The following KCNK2 variants were observed in gnomAD, a reference collection of about 807,000 sequenced individuals.
KCNK2 encodes potassium channel subfamily K member 2.
In KCNK2, 21 loss-of-function variants were observed where a neutral mutation model predicts 40.5. That is an observed-to-expected ratio of 0.52 (90% CI 0.37 to 0.75). The LOEUF (loss-of-function observed/expected upper bound fraction) is 0.75. Ranked by LOEUF, KCNK2 falls within the 30% of genes least tolerant of loss-of-function variation. The pLI is 0.00. For synonymous variants in KCNK2, 191 were observed against 202.2 expected (o/e 0.94, Z 0.47); for missense variants, 399 against 531.6 (o/e 0.75, Z 2.45).
chr1:215,119,077 T>C (rs530740450), intron 2 of KCNK2, among the ~76,000 whole-genome samples: 1 of 152,318 alleles, frequency 6.6e-6, no homozygotes, highest in Admixed American at 6.5e-5. Flanking sequence ...AGCAGTACAT[T>C]CTTCAGCCTT....
At chr1:215,194,239 G>C (rs1397336734) in intron 5 of KCNK2, among the ~76,000 whole-genome samples, 5 of 152,104 alleles carry the variant, frequency 3.3e-5, no homozygotes, top group Admixed American at 3.3e-4. Flanking sequence ...TGTTCCAAGT[G>C]GATGGAGAAG....
chr1:215,184,236 A>G (rs12060322), intron 5 of KCNK2, among the ~76,000 whole-genome samples: 22,205 of 152,150 alleles, frequency 0.15, 3,596 homozygotes, highest in African/African-American at 0.4. Flanking sequence ...CCTCTTATTC[A>G]AAGTGTATAA....
At chr1:215,191,175 CTCGGGAAGCTGAG>C (rs1171732609) in intron 5 of KCNK2, among the ~76,000 whole-genome samples, 1 of 151,596 alleles carries the variant, frequency 6.6e-6, no homozygotes, top group Non-Finnish European at 1.5e-5. Context: ...TTCCCAGCTT[CTCGGGAAGCTGAG>C]GCAGGAGAAT....
intron 2 of KCNK2, among the ~76,000 whole-genome samples, chr1:215,117,549 AAAC>A (rs1661000248): frequency 6.6e-6 from 1 of 152,150 alleles, no homozygotes; most frequent in African/African-American, 2.4e-5. Context: ...CTGTTCATCA[AAAC>A]ACAAGTACTA....
chr1:215,160,108 TAA>T (rs989305255), intron 3 of KCNK2, among the ~76,000 whole-genome samples: 2 of 152,222 alleles, frequency 1.3e-5, no homozygotes, highest in Non-Finnish European at 2.9e-5. Flanking sequence ...CTTGAATTAA[TAA>T]GACAGTTGGA....
intron 6 of KCNK2, among the ~76,000 whole-genome samples, chr1:215,229,326 T>C (rs1389575956): frequency 1.3e-5 from 2 of 151,960 alleles, no homozygotes; most frequent in Non-Finnish European, 2.9e-5. Flanking sequence ...GTTTGGGCAG[T>C]TATATTCCTA....
intron 1 of KCNK2, among the ~76,000 whole-genome samples, chr1:215,060,829 A>G (rs751241765): frequency 5.3e-5 from 8 of 152,206 alleles, no homozygotes; most frequent in Non-Finnish European, 8.8e-5. Context: ...AAAATATGAA[A>G]GAATAAATTT....
chr1:215,139,824 A>C (rs550021660), intron 3 of KCNK2, among the ~76,000 whole-genome samples: 1 of 152,282 alleles, frequency 6.6e-6, no homozygotes, highest in Admixed American at 6.5e-5. Context: ...TTATGAGGTG[A>C]CTTGTTATCA....
At chr1:215,051,976 C>T (rs915674176) in intron 1 of KCNK2, among the ~76,000 whole-genome samples, 1 of 152,170 alleles carries the variant, frequency 6.6e-6, no homozygotes, top group Non-Finnish European at 1.5e-5. Context: ...TTCTAACATT[C>T]AGTAATTTAT....
chr1:215,017,407 G>A (rs1656630847), intron 1 of KCNK2, among the ~76,000 whole-genome samples: 1 of 152,068 alleles, frequency 6.6e-6, no homozygotes, highest in Admixed American at 6.6e-5. Flanking sequence ...CTGTTTAGCT[G>A]TTAAAAAAAG....
chr1:215,182,369 A>G (rs1216802488), intron 5 of KCNK2, among the ~76,000 whole-genome samples: 1 of 151,954 alleles, frequency 6.6e-6, no homozygotes, highest in East Asian at 1.9e-4. Flanking sequence ...TCCAGGAAGC[A>G]TTGGGAAGCT....
chr1:215,078,364 A>T (rs1006026770), upstream of KCNK2, among the ~76,000 whole-genome samples: 1 of 152,212 alleles, frequency 6.6e-6, no homozygotes, highest in African/African-American at 2.4e-5. Context: ...TCACAATGCT[A>T]TGAAGAAATG....
At chr1:215,231,262 G>T (rs751507945) in intron 6 of KCNK2, among the ~76,000 whole-genome samples, 6 of 152,174 alleles carry the variant, frequency 3.9e-5, no homozygotes, top group Non-Finnish European at 5.9e-5. Context: ...AAAATGCAAA[G>T]GTTATACCTA....
chr1:215,187,037 G>C (rs113656050), intron 5 of KCNK2, among the ~76,000 whole-genome samples: 1 of 152,010 alleles, frequency 6.6e-6, no homozygotes, highest in Admixed American at 6.6e-5. Context: ...TGGTGTGATC[G>C]TGGCTCACTG....
rs1663733594 is a variant in KCNK2 at position 215,172,000 on chromosome 1, T to C, written c.640T>C (p.Trp214Arg). The change falls in exon 5 of 7, where the codon TGG (tryptophan) becomes CGG (arginine). Residue 214 changes from tryptophan (W) to arginine (R), a missense_variant. Trp to Arg is a moderately radical substitution (Grantham distance 101). This residue lies in a region of KCNK2 where 279 missense variants were observed against 353.8 expected (regional missense o/e 0.79). Transcript: ENST00000444842. ...IAKVEDTFIK[W>R]NVSQTKIRII... Reference sequence around the variant, plus strand: ...CACCTTTCTGTCTCATCCCTAGAAGTGGAATGTTAGTCAGACCAAGATTCG... The same window carrying C: ...CACCTTTCTGTCTCATCCCTAGAAGCGGAATGTTAGTCAGACCAAGATTCG... 1 of 1,609,002 alleles carries C rather than the reference T, an allele frequency of 6.2e-7. No individual in the cohort carries two copies.
chr1:215,226,021 G>A (rs1666371688), intron 6 of KCNK2, among the ~76,000 whole-genome samples: 1 of 152,124 alleles, frequency 6.6e-6, no homozygotes, highest in Non-Finnish European at 1.5e-5. Context: ...TCAATCTTAT[G>A]TACTTCAGGA....
Position 215,195,758 on chromosome 1 carries a change from T to C in KCNK2, c.963+666T>C, listed in dbSNP as rs537142012. 1.6e-3 allele frequency among the ~76,000 whole-genome samples: 239 copies of C among 152,342 alleles called. 2 individuals carry two copies. Among genetic ancestry groups the C allele is most frequent in the African/African-American group, 5.2e-3 (217 of 41,574 alleles). On this transcript the variant is annotated intron_variant, in intron 6 of 6. Transcript: ENST00000444842. The stretch of plus-strand genomic sequence containing the variant: ...ATTCTATTGTTTGGAAATTAAATTT[T>C]GATTTCATATTTACATATCCAGGAT...
chr1:215,150,817 A>G (rs1009692958), intron 3 of KCNK2, among the ~76,000 whole-genome samples: 2 of 151,804 alleles, frequency 1.3e-5, no homozygotes, highest in Non-Finnish European at 2.9e-5. Context: ...CACAACTAAT[A>G]TATTTGTCTC....
At chr1:215,087,395 A>G (rs1015821806) in intron 2 of KCNK2, among the ~76,000 whole-genome samples, 1 of 152,272 alleles carries the variant, frequency 6.6e-6, no homozygotes, top group Non-Finnish European at 1.5e-5. Context: ...GCAGAACAAT[A>G]TCCTTACAGA....
Sources: allele counts gnomAD v4.1 joint callset (sites outside exome capture counted in the v4.1 genomes callset), GRCh38; gene constraint gnomAD v4.1.1; regional missense constraint gnomAD v4.1.1; transcripts MANE v1.5; gene names NCBI Gene and HGNC (gene_info 2026-07-23, HGNC 2026-07-21).